Variants in SLC7A2 observed in about 807,000 individuals in gnomAD.
The protein encoded by SLC7A2 is cationic amino acid transporter 2.
SLC7A2 carries 48 observed loss-of-function variants against 58.9 expected under a neutral mutation model. That is an observed-to-expected ratio of 0.82 (90% CI 0.65 to 1.04). The LOEUF is 1.04. Ranked by LOEUF, SLC7A2 falls within the 50% of genes least tolerant of loss-of-function variation. The pLI, the probability that SLC7A2 is intolerant of heterozygous loss-of-function variation, is 0.00. For missense variants in SLC7A2, 1,029 were observed against 818.8 expected, an observed-to-expected ratio of 1.26 and a Z score of -3.13; for synonymous variants, 363 against 314.5, an observed-to-expected ratio of 1.15 and a Z score of -1.63.
intron 4 of SLC7A2, among the ~76,000 whole-genome samples, chr8:17,544,991 G>T (rs1417660517): frequency 1.3e-5 from 2 of 152,180 alleles, no homozygotes; most frequent in Non-Finnish European, 2.9e-5. Context: ...ATTTCTAGAA[G>T]AATTTCTGTT....
intron 2 of SLC7A2, among the ~76,000 whole-genome samples, chr8:17,523,987 C>T (rs772533030): frequency 2.0e-5 from 3 of 152,104 alleles, no homozygotes; most frequent in Admixed American, 1.3e-4. Flanking sequence ...TAATGGCCAA[C>T]AAGCATATGG....
chr8:17,562,412 C>A (rs1803060245), intron 11 of SLC7A2, among the ~76,000 whole-genome samples: 1 of 151,950 alleles, frequency 6.6e-6, no homozygotes, highest in Non-Finnish European at 1.5e-5. Flanking sequence ...ACCATGTTAG[C>A]CAGGATGGTC....
At chr8:17,539,383 A>T (rs1352619513) in intron 2 of SLC7A2, among the ~76,000 whole-genome samples, 1 of 152,212 alleles carries the variant, frequency 6.6e-6, no homozygotes, top group South Asian at 2.1e-4. Context: ...CATGAAAATC[A>T]TTCAGAGACT....
Position 17,548,673 on chromosome 8 carries a change from C to G in SLC7A2, c.533-5C>G. On this transcript the variant is annotated splice_region_variant and splice_polypyrimidine_tract_variant and intron_variant, in intron 4 of 12. Coordinates refer to ENST00000494857, the MANE Select transcript of SLC7A2 (RefSeq NM_001370338.1). ...AATAAAAATTGAAATGCCCTTTTTCCATAGGTCTTTTGTCTTTTGGAGTAA... is the reference window on the plus strand; with the variant it reads ...AATAAAAATTGAAATGCCCTTTTTCGATAGGTCTTTTGTCTTTTGGAGTAA... 1 of 1,588,914 alleles carries G rather than the reference C, an allele frequency of 6.3e-7. No homozygotes were observed. Among genetic ancestry groups the G allele is most frequent in the Middle Eastern group, 1.7e-4 (1 of 5,948 alleles).
At chr8:17,549,494 A>G (rs555169608) in intron 5 of SLC7A2, among the ~76,000 whole-genome samples, 2 of 152,176 alleles carry the variant, frequency 1.3e-5, no homozygotes, top group African/African-American at 4.8e-5. Flanking sequence ...TAACCATTGG[A>G]AAAACTTGAT....
chr8:17,522,037 T>C (rs1234857981), intron 2 of SLC7A2, among the ~76,000 whole-genome samples: 2 of 152,092 alleles, frequency 1.3e-5, no homozygotes, highest in Admixed American at 1.3e-4. Flanking sequence ...AGGAGGAAAA[T>C]GACCCAGGCT....
At chr8:17,558,456 A>G in intron 9 of SLC7A2, 59 bp downstream of exon 9, 1 of 1,092,066 alleles carries the variant, frequency 9.2e-7, no homozygotes, top group South Asian at 1.4e-5. Flanking sequence ...GGGAGTGAGA[A>G]AATGAGCCCT....
intron 2 of SLC7A2, among the ~76,000 whole-genome samples, chr8:17,518,716 A>G (rs181199201): frequency 6.6e-5 from 10 of 152,264 alleles, no homozygotes; most frequent in Admixed American, 1.3e-4. Flanking sequence ...TCATTATATT[A>G]TATTCATTTA....
chr8:17,537,111 C>T (rs1457526602), intron 2 of SLC7A2, among the ~76,000 whole-genome samples: 1 of 152,228 alleles, frequency 6.6e-6, no homozygotes, highest in African/African-American at 2.4e-5. Flanking sequence ...GGCTGGAGTG[C>T]AGTGGCACGA....
In SLC7A2 at chr8:17,540,969, G is replaced by A. The variant is rs144598151; in HGVS notation, c.-22-2349G>A. 2.1e-4 allele frequency among the ~76,000 whole-genome samples: 32 copies of A among 152,190 alleles called. No individual in the cohort carries two copies. The East Asian group carries it at 6.0e-3, about 28-fold the overall frequency. ...AGGTTAATTAAGTACTCCACCATGGGCATGTTTTATTTGGTTAAATGACAA... is the reference window on the plus strand; with the variant it reads ...AGGTTAATTAAGTACTCCACCATGGACATGTTTTATTTGGTTAAATGACAA... On this transcript the variant is annotated intron_variant, in intron 2 of 12. Coordinates refer to ENST00000494857, the MANE Select transcript of SLC7A2 (RefSeq NM_001370338.1).
intron 2 of SLC7A2, among the ~76,000 whole-genome samples, chr8:17,503,496 C>A (rs942117812): frequency 1.3e-5 from 2 of 152,154 alleles, no homozygotes; most frequent in African/African-American, 4.8e-5. Context: ...ATTATTCATA[C>A]GCGGCGCTCA....
chr8:17,524,948 C>G (rs1266303874), intron 2 of SLC7A2, among the ~76,000 whole-genome samples: 1 of 152,034 alleles, frequency 6.6e-6, no homozygotes, highest in Non-Finnish European at 1.5e-5. Flanking sequence ...GGAGAAATTA[C>G]CAAAAATTTT....
upstream of SLC7A2, among the ~76,000 whole-genome samples, chr8:17,496,859 C>T (rs1799971137): frequency 1.3e-5 from 2 of 151,968 alleles, no homozygotes; most frequent in Non-Finnish European, 2.9e-5. Flanking sequence ...CCCGCGCCCA[C>T]CGGCCTAGCC....
rs1334433119 is a variant in SLC7A2 at position 17,565,160 on chromosome 8, A to C, written c.*14A>C. On this transcript the variant is annotated 3_prime_UTR_variant, in exon 13 of 13. Transcript: ENST00000494857. ...AGTGAATTCTAACACTTGCAGGAGC[A>C]GAGCTGGTCATCGTCTTAGCATACA... The C allele has an allele frequency of 6.3e-7, 1 of 1,597,724 alleles. No homozygotes were observed. The highest frequency in any genetic ancestry group is 2.2e-5 in the East Asian group (1 of 44,556).
At chr8:17,533,385 C>T (rs563157475) in intron 2 of SLC7A2, among the ~76,000 whole-genome samples, 1 of 152,322 alleles carries the variant, frequency 6.6e-6, no homozygotes, top group African/African-American at 2.4e-5. Context: ...CTCAGTTTCC[C>T]TCTAAATTTC....
chr8:17,525,094 T>C (rs1801172002), intron 2 of SLC7A2, among the ~76,000 whole-genome samples: 2 of 152,136 alleles, frequency 1.3e-5, no homozygotes, highest in African/African-American at 4.8e-5. Flanking sequence ...ATTAAAAGGA[T>C]CCTTTCAGCC....
intron 2 of SLC7A2, among the ~76,000 whole-genome samples, chr8:17,526,322 G>C (rs1447745299): frequency 1.3e-5 from 2 of 152,120 alleles, no homozygotes; most frequent in Non-Finnish European, 2.9e-5. Context: ...AAAATAGGAA[G>C]GCGAACAAGA....
intron 9 of SLC7A2, among the ~76,000 whole-genome samples, chr8:17,559,712 G>A (rs779366653): frequency 3.5e-4 from 54 of 152,192 alleles, no homozygotes; most frequent in Non-Finnish European, 7.3e-4. Context: ...GGGATTATGG[G>A]AACTACAATT....
At chr8:17,545,984 G>A (rs924654603) in intron 4 of SLC7A2, among the ~76,000 whole-genome samples, 6 of 152,082 alleles carry the variant, frequency 3.9e-5, no homozygotes, top group African/African-American at 1.4e-4. Context: ...ATACGGATAG[G>A]GATAAGAACA....
Sources: gnomAD v4.1 joint callset for allele counts (sites outside exome capture counted in the v4.1 genomes callset) on GRCh38, gnomAD v4.1.1 for gene constraint, MANE v1.5 for transcripts, NCBI Gene and HGNC (gene_info 2026-07-23, HGNC 2026-07-21) for gene names.